The following MBD5 variants were observed in gnomAD, a reference collection of about 807,000 sequenced individuals.
MBD5 encodes methyl-CpG-binding domain protein 5.
Under a neutral mutation model 117.3 loss-of-function variants are expected in MBD5, and 13 were observed. The observed-to-expected ratio is 0.11, with a 90% CI of 0.07 to 0.18. The LOEUF (loss-of-function observed/expected upper bound fraction) is 0.18. MBD5 is among the 10% of genes least tolerant of loss of function. The pLI is 1.00. For missense variants in MBD5, 1,879 were observed against 2,093.8 expected, an observed-to-expected ratio of 0.90 and a Z score of 2.00; for synonymous variants, 727 against 766.4, an observed-to-expected ratio of 0.95 and a Z score of 0.85.
rs1693708571 is a variant in MBD5 at position 148,021,374 on chromosome 2, C to T, written c.-1235C>T. 4.3e-6 allele frequency: 2 copies of T among 461,400 alleles called. No individual in the cohort carries two copies. The highest frequency in any genetic ancestry group is 2.0e-5 in the African/African-American group (1 of 50,180). 28.6% of individuals were successfully genotyped at this position (461,400 alleles called of 1,614,324 possible). ...CCCCTCACCCCTCCAACTCGCCTCC[C>T]TCCCTCCACCCTCCTCCTCTTTGGC... On this transcript the variant is annotated 5_prime_UTR_variant, in exon 1 of 14. Coordinates refer to ENST00000642680, the MANE Select transcript of MBD5 (RefSeq NM_001378120.1).
intron 4 of MBD5, among the ~76,000 whole-genome samples, chr2:148,375,249 T>C (rs950847903): frequency 6.6e-6 from 1 of 152,188 alleles, no homozygotes; most frequent in African/African-American, 2.4e-5. Flanking sequence ...TACCAGTCAG[T>C]ATTCTTTATT....
chr2:148,437,792 G>A (rs1490963167), intron 4 of MBD5, among the ~76,000 whole-genome samples: 5 of 152,052 alleles, frequency 3.3e-5, no homozygotes, highest in African/African-American at 1.2e-4. Flanking sequence ...ATATTACTAT[G>A]GTTGGTAATT....
At chr2:148,436,082 C>G (rs1176342204) in intron 4 of MBD5, among the ~76,000 whole-genome samples, 2 of 152,148 alleles carry the variant, frequency 1.3e-5, no homozygotes, top group Admixed American at 6.5e-5. Flanking sequence ...GTTAAGATAC[C>G]TATAGACCAG....
At chr2:148,379,177 A>G (rs1704065736) in intron 4 of MBD5, among the ~76,000 whole-genome samples, 1 of 152,120 alleles carries the variant, frequency 6.6e-6, no homozygotes, top group South Asian at 2.1e-4. Flanking sequence ...GTAACAAATG[A>G]GAAATAAAAA....
chr2:148,257,852 C>T (rs573841595), intron 3 of MBD5, among the ~76,000 whole-genome samples: 6 of 152,268 alleles, frequency 3.9e-5, no homozygotes, highest in East Asian at 3.9e-4. Context: ...AAGTCCACTA[C>T]GTAGTGGTAC....
At chr2:148,320,706 A>G (rs762621923) in intron 3 of MBD5, among the ~76,000 whole-genome samples, 21 of 152,106 alleles carry the variant, frequency 1.4e-4, no homozygotes, top group Non-Finnish European at 3.1e-4. Context: ...TTCATTATTA[A>G]TCTGTTCAAG....
chr2:148,435,030 T>C (rs1325641214), intron 4 of MBD5, among the ~76,000 whole-genome samples: 3 of 152,188 alleles, frequency 2.0e-5, no homozygotes, highest in African/African-American at 7.2e-5. Flanking sequence ...ATTGTCTTTC[T>C]TGATCATTAT....
intron 3 of MBD5, among the ~76,000 whole-genome samples, chr2:148,331,153 G>T (rs1702634549): frequency 6.6e-6 from 1 of 152,124 alleles, no homozygotes; most frequent in South Asian, 2.1e-4. Flanking sequence ...CTATAAAGTT[G>T]TATGAGACAG....
At chr2:148,116,047 T>G (rs1238163123) in intron 1 of MBD5, among the ~76,000 whole-genome samples, 1 of 152,110 alleles carries the variant, frequency 6.6e-6, no homozygotes, top group Non-Finnish European at 1.5e-5. Context: ...TTTTGCCATG[T>G]TGACCAGGCT....
chr2:148,280,141 A>AC (rs1423342215), intron 3 of MBD5, among the ~76,000 whole-genome samples: 27 of 150,704 alleles, frequency 1.8e-4, no homozygotes, highest in Non-Finnish European at 2.5e-4. Context: ...CAAAAAAAAA[A>AC]AAAAAAAAAC....
intron 1 of MBD5, among the ~76,000 whole-genome samples, chr2:148,074,507 G>GTTTTTTTTTATTGT (rs1695447751): frequency 8.8e-6 from 1 of 113,772 alleles, no homozygotes; most frequent in African/African-American, 3.5e-5. Flanking sequence ...TTTTTTTTTT[G>GTTTTTTTTTATTGT]TTTTTTTTTT....
At chr2:148,409,730 G>A (rs1212200527) in intron 4 of MBD5, among the ~76,000 whole-genome samples, 1 of 152,092 alleles carries the variant, frequency 6.6e-6, no homozygotes, top group Non-Finnish European at 1.5e-5. Context: ...AAGGTATTTT[G>A]TGTTAAAGGA....
intron 3 of MBD5, among the ~76,000 whole-genome samples, chr2:148,301,559 A>T (rs1701775577): frequency 1.3e-5 from 2 of 152,166 alleles, no homozygotes; most frequent in Non-Finnish European, 2.9e-5. Flanking sequence ...AGGGCCAAAC[A>T]GGTGATTTGA....
At chr2:148,153,426 G>C (rs1399686793) in intron 1 of MBD5, among the ~76,000 whole-genome samples, 4 of 143,690 alleles carry the variant, frequency 2.8e-5, no homozygotes, top group African/African-American at 1.0e-4. Flanking sequence ...TCTTGGAGTT[G>C]CTCTTCTCGA....
chr2:148,294,097 T>C (rs1357450090), intron 3 of MBD5, among the ~76,000 whole-genome samples: 1 of 152,206 alleles, frequency 6.6e-6, no homozygotes, highest in African/African-American at 2.4e-5. Context: ...CTTCTTGTCA[T>C]GTAGGTAGAT....
chr2:148,384,998 C>T (rs1574363171), intron 4 of MBD5, among the ~76,000 whole-genome samples: 2 of 152,310 alleles, frequency 1.3e-5, no homozygotes, highest in African/African-American at 4.8e-5. Context: ...AGACCTAAAA[C>T]CATCAAAAAC....
At chr2:148,335,872 G>A (rs1702773898) in intron 3 of MBD5, among the ~76,000 whole-genome samples, 1 of 152,066 alleles carries the variant, frequency 6.6e-6, no homozygotes, top group South Asian at 2.1e-4. Flanking sequence ...ATATTTTATG[G>A]ATGAAGACTC....
At chr2:148,075,263 T>C (rs569981735) in intron 1 of MBD5, among the ~76,000 whole-genome samples, 1 of 152,274 alleles carries the variant, frequency 6.6e-6, no homozygotes, top group East Asian at 1.9e-4. Flanking sequence ...CAGTTTTATT[T>C]CTTTGTTTTT....
chr2:148,315,714 A>C (rs1574276463), intron 3 of MBD5, among the ~76,000 whole-genome samples: 1 of 152,168 alleles, frequency 6.6e-6, no homozygotes, highest in East Asian at 1.9e-4. Flanking sequence ...AATTATTTAC[A>C]ACATGCCCAC....
Sources: allele counts gnomAD v4.1 joint callset (sites outside exome capture counted in the v4.1 genomes callset), GRCh38; gene constraint gnomAD v4.1.1; transcripts MANE v1.5; gene names NCBI Gene and HGNC (gene_info 2026-07-23, HGNC 2026-07-21).